Variants in LOXHD1 observed in about 807,000 individuals in gnomAD.
LOXHD1 encodes lipoxygenase homology PLAT domains 1.
In LOXHD1, 205 loss-of-function variants were observed where a neutral mutation model predicts 248.2. That is an observed-to-expected ratio of 0.83 (90% CI 0.74 to 0.93). LOXHD1 has a LOEUF of 0.93. LOXHD1 is among the 40% of genes least tolerant of loss of function. The probability of loss-of-function intolerance (pLI) is 0.00; values close to 1 mark genes in which losing one functional copy is unlikely to be tolerated. For synonymous variants in LOXHD1, 1,113 were observed against 1,162.8 expected (o/e 0.96, Z 0.87); for missense variants, 2,930 against 2,971.6 (o/e 0.99, Z 0.33).
At chr18:46,644,972 G>T (rs1200744072) in intron 2 of LOXHD1, among the ~76,000 whole-genome samples, 1 of 152,176 alleles carries the variant, frequency 6.6e-6, no homozygotes, top group Non-Finnish European at 1.5e-5. Flanking sequence ...ATATTTCTGG[G>T]TTCCGCAGTG....
rs1028842472 is a variant in LOXHD1, at chr18:46,649,165, G to T, written c.235C>A (p.Leu79Ile). 1 of 1,551,578 alleles carries T rather than the reference G, an allele frequency of 6.4e-7. No homozygotes were observed. Among genetic ancestry groups the T allele is most frequent in the African/African-American group, 1.4e-5 (1 of 73,062 alleles). Residue 79 changes from leucine (L) to isoleucine (I), a missense_variant, in exon 2 of 41, where the codon CTC (leucine) becomes ATC (isoleucine). By Grantham distance (5) the Leu-to-Ile change is conservative. Transcript: ENST00000642948. ...GENGLSPKLQLTSKSKSAFEK... is the reference protein window; with the variant it reads ...GENGLSPKLQITSKSKSAFEK... The stretch of plus-strand genomic sequence containing the variant: ...CAAGTGGGTACTCACTTGCTGGTGA[G>T]CTGGAGCTTGGGAGAGAGCCCATTC...
At chr18:46,547,093 T>A in intron 21 of LOXHD1, 35 bp from the exon 22 acceptor site, 1 of 1,551,452 alleles carries the variant, frequency 6.4e-7, no homozygotes, top group Non-Finnish European at 8.7e-7. Flanking sequence ...TGGAATGTCC[T>A]CTTAGAAAGG....
rs766885106 is a variant in LOXHD1 at position 46,529,161 on chromosome 18, C to T, written c.4530+16G>A. 4.2e-5 allele frequency: 65 copies of T among 1,551,266 alleles called. No homozygotes were observed. Among genetic ancestry groups the T allele is most frequent in the African/African-American group, 1.5e-4 (11 of 72,986 alleles). ...GAGAGGAGGGAAGGAGGGTAAACTC[C>T]GTGTGCCCCTCATACCGTTCCTCTC... On this transcript the variant is annotated intron_variant, in intron 29 of 40. Transcript: ENST00000642948.
chr18:46,590,295 C>T (rs8087634), intron 12 of LOXHD1, among the ~76,000 whole-genome samples: 5 of 152,120 alleles, frequency 3.3e-5, no homozygotes, highest in Admixed American at 6.5e-5. Context: ...GTTTGAGAAT[C>T]GCTGACTTAG....
intron 38 of LOXHD1, among the ~76,000 whole-genome samples, chr18:46,486,882 T>G (rs2033094225): frequency 6.6e-6 from 1 of 152,218 alleles, no homozygotes; most frequent in South Asian, 2.1e-4. Context: ...CACATGTTGC[T>G]AGTCACATCT....
chr18:46,479,070 A>T (rs1475207140), intron 40 of LOXHD1, among the ~76,000 whole-genome samples: 1 of 151,948 alleles, frequency 6.6e-6, no homozygotes, highest in Non-Finnish European at 1.5e-5. Flanking sequence ...TTGCTCCCTT[A>T]AAGGGACTGG....
chr18:46,555,831 C>CTG (rs1417080483), intron 21 of LOXHD1, among the ~76,000 whole-genome samples: 1 of 152,088 alleles, frequency 6.6e-6, no homozygotes, highest in Non-Finnish European at 1.5e-5. Context: ...GATTATGGGG[C>CTG]TGTGGCTTCA....
At chr18:46,526,238 G>A (rs2035822591) in intron 29 of LOXHD1, among the ~76,000 whole-genome samples, 1 of 152,172 alleles carries the variant, frequency 6.6e-6, no homozygotes. Context: ...TTTTACAGTG[G>A]AAAATTGGAA....
At chr18:46,593,144 GA>G (rs141455440) in intron 10 of LOXHD1, among the ~76,000 whole-genome samples, 2 of 152,180 alleles carry the variant, frequency 1.3e-5, no homozygotes, top group South Asian at 2.1e-4. Flanking sequence ...TCCATTGGGG[GA>G]AAAAATCTTT....
chr18:46,477,332 G>C lies in LOXHD1; in HGVS notation c.*140C>G. 1 of 1,140,240 alleles carries C rather than the reference G, an allele frequency of 8.8e-7. No homozygotes were observed. The highest frequency in any genetic ancestry group is 1.3e-6 in the Non-Finnish European group (1 of 777,092). 70.6% of individuals were successfully genotyped at this position (1,140,240 alleles called of 1,614,324 possible). On this transcript the variant is annotated 3_prime_UTR_variant, in exon 41 of 41. Transcript: ENST00000642948. ...CAATAAACTGGGGGTAGGGTGGGGA[G>C]CAGGACCCCATGAAGTTCTCAGTGG...
chr18:46,501,409 T>C (rs1859307328), intron 37 of LOXHD1, among the ~76,000 whole-genome samples: 1 of 152,328 alleles, frequency 6.6e-6, no homozygotes, highest in African/African-American at 2.4e-5. Context: ...TGTTTTAAAA[T>C]GGCCCCCAAA....
intron 21 of LOXHD1, among the ~76,000 whole-genome samples, chr18:46,550,051 A>T (rs1175227070): frequency 1.3e-5 from 2 of 152,364 alleles, no homozygotes; most frequent in East Asian, 3.9e-4. Flanking sequence ...CATTTAATCA[A>T]CAAGCCAATA....
At chr18:46,572,037 C>A in intron 15 of LOXHD1, 49 bp downstream of exon 15, 1 of 1,486,954 alleles carries the variant, frequency 6.7e-7, no homozygotes, top group Middle Eastern at 1.7e-4. Context: ...AGGGAAGGCC[C>A]CTGTCTCACC....
At chr18:46,622,634 C>A (rs1460125895) in intron 4 of LOXHD1, among the ~76,000 whole-genome samples, 2 of 152,194 alleles carry the variant, frequency 1.3e-5, no homozygotes, top group African/African-American at 4.8e-5. Flanking sequence ...GGCAGCATAT[C>A]TGGACCATTA....
At chr18:46,618,088 C>A in intron 5 of LOXHD1, 104 bp downstream of exon 5, 1 of 786,694 alleles carries the variant, frequency 1.3e-6, no homozygotes, top group South Asian at 1.7e-5. Flanking sequence ...ATAGAGGAGC[C>A]CAAAGTGGGG....
intron 24 of LOXHD1, 39 bp downstream of exon 24, chr18:46,542,688 T>A: frequency 6.4e-7 from 1 of 1,550,732 alleles, no homozygotes; most frequent in Non-Finnish European, 8.7e-7. Context: ...CCATGGTCCT[T>A]AAAGTCTTAG....
Position 46,593,583 on chromosome 18 carries a change from T to C in LOXHD1, c.1431+17A>G, listed in dbSNP as rs1418627403. 6.4e-7 allele frequency: 1 copy of C among 1,551,850 alleles called. No individual in the cohort carries two copies. The highest frequency in any genetic ancestry group is 2.0e-5 in the Admixed American group (1 of 50,986). ...CTTCCTCCTTTCTCCCTCCCATCCA[T>C]CACAATCCTCTCCTACCCTAAACTT... On this transcript the variant is annotated intron_variant, in intron 10 of 40. Transcript: ENST00000642948.
At chr18:46,523,010 C>T (rs1367823202) in intron 31 of LOXHD1, among the ~76,000 whole-genome samples, 3 of 151,954 alleles carry the variant, frequency 2.0e-5, no homozygotes, top group African/African-American at 4.8e-5. Context: ...TGCAATGGCA[C>T]GATCTCGGCT....
intron 8 of LOXHD1, among the ~76,000 whole-genome samples, chr18:46,597,751 G>T (rs1211736): frequency 3.3e-5 from 5 of 151,112 alleles, no homozygotes; most frequent in Non-Finnish European, 5.9e-5. Flanking sequence ...CATGAACATA[G>T]AAAAATTCTT....
Sources: allele counts gnomAD v4.1 joint callset (sites outside exome capture counted in the v4.1 genomes callset), GRCh38; gene constraint gnomAD v4.1.1; transcripts MANE v1.5; gene names NCBI Gene and HGNC (gene_info 2026-07-23, HGNC 2026-07-21).